ZNF831: variants seen among roughly 807,000 people sequenced by gnomAD.
ZNF831 encodes the protein chromosome 20 open reading frame 174.
A neutral mutation model predicts 95.8 loss-of-function variants in ZNF831; 59 were observed. The observed-to-expected ratio is 0.62, with a 90% CI of 0.50 to 0.77. The LOEUF (loss-of-function observed/expected upper bound fraction) is 0.77, where lower values mean the gene tolerates loss of function less well. Ranked by LOEUF, ZNF831 falls within the 30% of genes least tolerant of loss-of-function variation. ZNF831 has a pLI of 0.00. For synonymous variants in ZNF831, 961 were observed against 925.5 expected, an observed-to-expected ratio of 1.04 and a Z score of -0.70; for missense variants, 2,205 against 2,164.0, an observed-to-expected ratio of 1.02 and a Z score of -0.38.
At chr20:59,131,902 T>C (rs906366857) in intron 1 of ZNF831, among the ~76,000 whole-genome samples, 2 of 152,250 alleles carry the variant, frequency 1.3e-5, no homozygotes, top group African/African-American at 4.8e-5. Context: ...ATGAAAACTG[T>C]TTTCATTGTA....
At chr20:59,173,522 C>T (rs1981905189) in intron 1 of ZNF831, among the ~76,000 whole-genome samples, 1 of 152,216 alleles carries the variant, frequency 6.6e-6, no homozygotes, top group South Asian at 2.1e-4. Context: ...TCATTCCTGC[C>T]ATACAGCAGG....
chr20:59,133,064 T>G (rs1448246731), intron 1 of ZNF831, among the ~76,000 whole-genome samples: 2 of 92,076 alleles, frequency 2.2e-5, no homozygotes, highest in African/African-American at 7.8e-5. Context: ...GCTCCGGTCC[T>G]GCATGACGTC....
intron 5 of ZNF831, among the ~76,000 whole-genome samples, 173 bp downstream of exon 5, chr20:59,253,311 A>G (rs1988000078): frequency 6.6e-6 from 1 of 152,164 alleles, no homozygotes; most frequent in Admixed American, 6.5e-5. Context: ...TTCTGTATCG[A>G]ATGAGTAGCT....
chr20:59,253,158 G>A lies in ZNF831; in HGVS notation c.4188+20G>A, dbSNP rs780752101. 2.5e-6 allele frequency: 4 copies of A among 1,613,396 alleles called. No homozygotes were observed. Among genetic ancestry groups the A allele is most frequent in the African/African-American group, 1.3e-5 (1 of 75,026 alleles). Reference sequence around the variant, plus strand: ...GTGAAGGTGGGCATGATGATTTTGAGCTGCCTCTACCTATTCCTGGTCTAG... The same window carrying A: ...GTGAAGGTGGGCATGATGATTTTGAACTGCCTCTACCTATTCCTGGTCTAG... On this transcript the variant is annotated intron_variant, in intron 5 of 5. Transcript: ENST00000371030.
At chr20:59,161,257 A>T (rs1980839358), upstream of ZNF831, among the ~76,000 whole-genome samples, 1 of 151,748 alleles carries the variant, frequency 6.6e-6, no homozygotes, top group Non-Finnish European at 1.5e-5. Flanking sequence ...CATACATTAC[A>T]GTCACTCTCA....
chr20:59,215,767 CA>C (rs1985639117), intron 4 of ZNF831, among the ~76,000 whole-genome samples: 1 of 152,040 alleles, frequency 6.6e-6, no homozygotes, highest in African/African-American at 2.4e-5. Context: ...GGTGCACTTA[CA>C]AAAAAACTTA....
In ZNF831 at chr20:59,191,267, A is replaced by G. The variant is rs1254179937; in HGVS notation, c.248A>G (p.Asp83Gly). The G allele has an allele frequency of 2.6e-6, 4 of 1,560,198 alleles. No individual in the cohort carries two copies. Among genetic ancestry groups the G allele is most frequent in the Non-Finnish European group, 3.5e-6 (4 of 1,153,254 alleles). Residue 83 changes from aspartate (D) to glycine (G), a missense_variant, in exon 2 of 6, where the codon GAT (aspartate) becomes GGT (glycine). By Grantham distance (94) the Asp-to-Gly change is moderately conservative. Transcript: ENST00000371030. ...PRAPLVTGSL[D>G]GGNVPFILSP... Reference sequence around the variant, plus strand: ...GCCCCGCTAGTGACGGGCAGCCTAGATGGGGGCAACGTGCCCTTCATACTC... The same window carrying G: ...GCCCCGCTAGTGACGGGCAGCCTAGGTGGGGGCAACGTGCCCTTCATACTC...
intron 1 of ZNF831, among the ~76,000 whole-genome samples, chr20:59,174,238 G>A (rs1981967465): frequency 6.6e-6 from 1 of 152,170 alleles, no homozygotes; most frequent in South Asian, 2.1e-4. Context: ...CGCGGCTTTA[G>A]TTTCCCTGTC....
In ZNF831 at chr20:59,257,513, A is replaced by G. The variant is rs927747876; in HGVS notation, c.*2770A>G. The G allele has an allele frequency of 6.6e-6, 1 of 152,194 alleles. No homozygotes were observed. The highest frequency in any genetic ancestry group is 1.5e-5 in the Non-Finnish European group (1 of 68,042). 9.4% of individuals were successfully genotyped at this position (152,194 alleles called of 1,614,324 possible). ...TAAAGTGAAATACAATTATAAGAAT[A>G]CATTTTAAGGGTAACATTAACAACC... is the stretch of plus-strand genomic sequence containing the variant. On this transcript the variant is annotated 3_prime_UTR_variant, in exon 6 of 6. Transcript: ENST00000371030.
At chr20:59,140,691 G>A (rs1979651063) in intron 1 of ZNF831, among the ~76,000 whole-genome samples, 1 of 152,058 alleles carries the variant, frequency 6.6e-6, no homozygotes. Flanking sequence ...CTGGGTCTGG[G>A]TGACCCAGTT....
Position 59,192,114 on chromosome 20 carries a change from C to A in ZNF831, c.1095C>A (p.Ser365Arg), listed in dbSNP as rs1457639390. 1 of 1,580,856 alleles carries A rather than the reference C, an allele frequency of 6.3e-7. No individual in the cohort carries two copies. The highest frequency in any genetic ancestry group is 8.6e-7 in the Non-Finnish European group (1 of 1,168,902). The change falls in exon 2 of 6, where the codon AGC (serine) becomes AGA (arginine). Residue 365 changes from serine (S) to arginine (R), a missense_variant. Physicochemically the swap from Ser to Arg is moderately radical, Grantham distance 110. Transcript: ENST00000371030. The surrounding 1 kb of genome is among the most constrained non-coding windows in gnomAD (Gnocchi z 5.2). ...ATGCGCCCTGCAGCCCCCTGCACAG[C>A]CTTTCGGAGCACAGCGCCGAGTCCG... is the stretch of plus-strand genomic sequence containing the variant. ...QPHAPCSPLHSLSEHSAESEG... is the reference protein window; with the variant it reads ...QPHAPCSPLHRLSEHSAESEG...
At chr20:59,194,908 AT>A in intron 2 of ZNF831, 151 bp downstream of exon 2, 2 of 1,152,944 alleles carry the variant, frequency 1.7e-6, no homozygotes, top group Non-Finnish European at 2.3e-6. Context: ...GGGATACCAC[AT>A]AGACAGCAGG....
At chr20:59,174,209 G>A (rs529144973) in intron 1 of ZNF831, among the ~76,000 whole-genome samples, 3 of 152,148 alleles carry the variant, frequency 2.0e-5, no homozygotes, top group South Asian at 4.1e-4. Flanking sequence ...TCCTGGCCAC[G>A]GGAGGCTAGC....
At position 59,257,467 on chromosome 20, in the gene ZNF831, T is replaced by A. The variant is rs259955; in HGVS notation, c.*2724T>A. 0.35 allele frequency: 52,647 copies of A among 152,004 alleles called. 9,768 individuals carry two copies. Among genetic ancestry groups the A allele is most frequent in the East Asian group, 0.7 (3,587 of 5,158 alleles). The allele number at this position is 152,004 out of a possible 1,614,324, so 9.4% of individuals were successfully genotyped here. The stretch of plus-strand genomic sequence containing the variant: ...GAACAATCTCTGATTTTATAAATCT[T>A]AATTTTCCTATGGGTTTTCTTAAAG... On this transcript the variant is annotated 3_prime_UTR_variant, in exon 6 of 6. Coordinates refer to ENST00000371030, the MANE Select transcript of ZNF831 (RefSeq NM_178457.3).
chr20:59,194,330 G>A lies in ZNF831; in HGVS notation c.3311G>A (p.Gly1104Glu), dbSNP rs1038503220. 2 of 1,613,506 alleles carry A rather than the reference G, an allele frequency of 1.2e-6. No homozygotes were observed. The highest frequency in any genetic ancestry group is 1.7e-6 in the Non-Finnish European group (2 of 1,179,878). Residue 1104 changes from glycine to glutamate, a missense_variant, in exon 2 of 6, where the codon GGG (glycine) becomes GAG (glutamate). By Grantham distance (98) the Gly-to-Glu change is moderately conservative. Coordinates refer to ENST00000371030, the MANE Select transcript of ZNF831 (RefSeq NM_178457.3). ...LNPWVPNWEL[G>E]EPPGNAPEDP... is the part of the protein sequence containing the mutation. ...CCCTGGGTACCCAACTGGGAGCTGG[G>A]GGAGCCTCCTGGGAATGCCCCAGAA...
intron 1 of ZNF831, among the ~76,000 whole-genome samples, chr20:59,126,227 CT>C (rs1337185075): frequency 3.3e-5 from 5 of 152,222 alleles, no homozygotes; most frequent in African/African-American, 1.2e-4. Context: ...CCCCCTCTCT[CT>C]CCCCCGTGTC....
intron 4 of ZNF831, among the ~76,000 whole-genome samples, chr20:59,249,508 T>G (rs1987780603): frequency 6.6e-6 from 1 of 152,214 alleles, no homozygotes. Flanking sequence ...TGTTTTGTTC[T>G]TCTCAGACTC....
rs116715881 is a variant in ZNF831 at position 59,252,292 on chromosome 20, T to A, written c.4028-686T>A. Among the ~76,000 whole-genome samples, 823 of 152,338 alleles carry A rather than the reference T, an allele frequency of 5.4e-3. 9 individuals carry two copies. The highest frequency in any genetic ancestry group is 0.018 in the African/African-American group (765 of 41,574). ...AGTGGGTCTAGTGCTTCTTCTCTAG[T>A]GACACAGTCGTTTTAAGATATTTCT... is the stretch of plus-strand genomic sequence containing the variant. On this transcript the variant is annotated intron_variant, in intron 4 of 5. Coordinates refer to ENST00000371030, the MANE Select transcript of ZNF831 (RefSeq NM_178457.3).
At chr20:59,251,832 G>A (rs1987903877) in intron 4 of ZNF831, among the ~76,000 whole-genome samples, 1 of 152,218 alleles carries the variant, frequency 6.6e-6, no homozygotes, top group Non-Finnish European at 1.5e-5. Context: ...CCCAGGGAAA[G>A]CAGTTTTCAC....
Sources: gnomAD v4.1 joint callset for allele counts (sites outside exome capture counted in the v4.1 genomes callset) on GRCh38, gnomAD v4.1.1 for gene constraint, Gnocchi (gnomAD v3.1) non-coding constraint, MANE v1.5 for transcripts, NCBI Gene and HGNC (gene_info 2026-07-23, HGNC 2026-07-21) for gene names.